TRAP1: variants seen among roughly 807,000 people sequenced by gnomAD.
TRAP1 encodes heat shock protein 75 kDa, mitochondrial.
A neutral mutation model predicts 89.1 loss-of-function variants in TRAP1; 102 were observed. That is an observed-to-expected ratio of 1.15 (90% CI 0.98 to 1.35). The LOEUF is 1.35. TRAP1 is among the 40% of genes most tolerant of loss of function. TRAP1 has a pLI of 0.00. For synonymous variants in TRAP1, 508 were observed against 388.0 expected (o/e 1.31, Z -3.64); for missense variants, 1,256 against 945.3 (o/e 1.33, Z -4.31).
At chr16:3,708,226 G>A (rs999437988) in intron 1 of TRAP1, among the ~76,000 whole-genome samples, 2 of 151,840 alleles carry the variant, frequency 1.3e-5, no homozygotes, top group Non-Finnish European at 1.5e-5. Context: ...CGTGGCTCAC[G>A]CCTGTAATCA....
At position 3,685,990 on chromosome 16, in the gene TRAP1, A is replaced by T. The variant is rs767805108; in HGVS notation, c.471+6T>A. On this transcript the variant is annotated splice_donor_region_variant and intron_variant, in intron 4 of 17. Transcript: ENST00000246957. Reference sequence around the variant, plus strand: ...CTGCCACACGCCTGGACACTGAGGGAGGTACCTGGATGGTGATGGTGCCTT... The same window carrying T: ...CTGCCACACGCCTGGACACTGAGGGTGGTACCTGGATGGTGATGGTGCCTT... The T allele has an allele frequency of 2.5e-6, 4 of 1,613,286 alleles. No homozygotes were observed. The South Asian group carries it at 4.4e-5, about 18-fold the overall frequency.
At chr16:3,688,397 G>A (rs1242401485) in intron 3 of TRAP1, among the ~76,000 whole-genome samples, 1 of 152,160 alleles carries the variant, frequency 6.6e-6, no homozygotes, top group East Asian at 1.9e-4. Context: ...GCCAAGACCT[G>A]CAGGTAGTCC....
At position 3,710,877 on chromosome 16, in the gene TRAP1, A is replaced by ATTTTTTTTT. The variant is rs1461150566; in HGVS notation, c.88+6543_88+6544insAAAAAAAAA. ...TGTGTGTATATATATATATATATAT[A>ATTTTTTTTT]TATTTTTTTTTTTGAGACACTGTCA... On this transcript the variant is annotated intron_variant, in intron 1 of 17. Coordinates refer to ENST00000246957, the MANE Select transcript of TRAP1 (RefSeq NM_016292.3). Among the ~76,000 whole-genome samples, 638 of 93,524 alleles carry ATTTTTTTTT rather than the reference A, an allele frequency of 6.8e-3. 9 individuals are homozygous for ATTTTTTTTT. The highest frequency in any genetic ancestry group is 0.027 in the African/African-American group (609 of 22,166). 61.4% of individuals were successfully genotyped at this position (93,524 alleles called of 152,430 possible). A position where few individuals can be genotyped will look rare whatever the true frequency, so the allele number is the denominator to read the frequency against.
intron 3 of TRAP1, chr16:3,687,415 T>G (rs887843573): frequency 1.3e-5 from 2 of 152,184 alleles, no homozygotes; most frequent in Non-Finnish European, 2.9e-5. Flanking sequence ...ATCAGCAACG[T>G]GAAAATGGAC....
At chr16:3,672,013 C>G (rs191216818) in intron 10 of TRAP1, among the ~76,000 whole-genome samples, 1 of 152,210 alleles carries the variant, frequency 6.6e-6, no homozygotes, top group Non-Finnish European at 1.5e-5. Context: ...GGGTAACACT[C>G]GGAAAATGAC....
intron 3 of TRAP1, among the ~76,000 whole-genome samples, chr16:3,687,883 ACC>A (rs1555465641): frequency 6.7e-6 from 1 of 150,012 alleles, no homozygotes; most frequent in African/African-American, 2.5e-5. Flanking sequence ...AAAAACAAAA[ACC>A]CACACAATTA....
chr16:3,675,641 C>T (rs932485364), intron 7 of TRAP1, among the ~76,000 whole-genome samples: 1 of 152,206 alleles, frequency 6.6e-6, no homozygotes, highest in Non-Finnish European at 1.5e-5. Flanking sequence ...ACTGCAATGT[C>T]AGCTTGTGGC....
intron 1 of TRAP1, among the ~76,000 whole-genome samples, chr16:3,692,073 G>A (rs1048352271): frequency 4.6e-5 from 7 of 152,208 alleles, no homozygotes; most frequent in African/African-American, 1.2e-4. Context: ...TTGGTCAGTA[G>A]ATTTGCAATA....
chr16:3,669,977 G>A (rs970371236), intron 11 of TRAP1, among the ~76,000 whole-genome samples: 6 of 151,986 alleles, frequency 3.9e-5, no homozygotes, highest in Non-Finnish European at 1.5e-5. Flanking sequence ...TCCCTGTGAT[G>A]TCCCATGATG....
intron 1 of TRAP1, among the ~76,000 whole-genome samples, chr16:3,709,885 GGT>G: frequency 6.6e-6 from 1 of 152,218 alleles, no homozygotes; most frequent in East Asian, 1.9e-4. Flanking sequence ...CCTAACCTCA[GGT>G]GATCCACCCG....
intron 1 of TRAP1, among the ~76,000 whole-genome samples, chr16:3,692,966 GTTTTTT>G (rs34085145): frequency 1.4e-5 from 2 of 143,862 alleles, no homozygotes; most frequent in South Asian, 4.5e-4. Flanking sequence ...TTTTGTTTTT[GTTTTTT>G]TTTGAGATGG....
At chr16:3,685,960 C>T (rs745426687) in intron 4 of TRAP1, 36 bp downstream of exon 4, 18 of 1,602,774 alleles carry the variant, frequency 1.1e-5, no homozygotes, top group African/African-American at 9.4e-5. Flanking sequence ...GCTGCATGGC[C>T]GGGCCTGCCA....
intron 11 of TRAP1, among the ~76,000 whole-genome samples, chr16:3,666,330 C>A (rs569118634): frequency 7.9e-5 from 12 of 151,548 alleles, no homozygotes; most frequent in Non-Finnish European, 2.9e-5. Context: ...GCAGACACCC[C>A]CTGGAGGCAG....
intron 11 of TRAP1, among the ~76,000 whole-genome samples, chr16:3,669,638 TCCC>T (rs1289186892): frequency 2.1e-4 from 32 of 151,342 alleles, no homozygotes; most frequent in Non-Finnish European, 2.4e-4. Flanking sequence ...ATCAAGACCA[TCCC>T]GGCTAACACA....
Position 3,709,656 on chromosome 16 carries a change from G to T in TRAP1, c.88+7765C>A, listed in dbSNP as rs113270654. 6.2e-3 allele frequency among the ~76,000 whole-genome samples: 905 copies of T among 145,624 alleles called. 8 individuals are homozygous for T. Among genetic ancestry groups the T allele is most frequent in the African/African-American group, 0.023 (836 of 35,872 alleles). On this transcript the variant is annotated intron_variant, in intron 1 of 17. Transcript: ENST00000246957. Reference sequence around the variant, plus strand: ...GTTTACCTTTGTTTCCCTTTTTTTTGTGTGTGTGTGTGAGACGGAGTTTTC... The same window carrying T: ...GTTTACCTTTGTTTCCCTTTTTTTTTTGTGTGTGTGTGAGACGGAGTTTTC...
intron 1 of TRAP1, among the ~76,000 whole-genome samples, chr16:3,704,802 C>T (rs1267755021): frequency 6.6e-6 from 1 of 151,170 alleles, no homozygotes; most frequent in East Asian, 1.9e-4. Context: ...ACACTTGAGG[C>T]CAGGAGTTCT....
At chr16:3,665,608 C>T in intron 12 of TRAP1, 1 of 235,826 alleles carries the variant, frequency 4.2e-6, no homozygotes, top group Non-Finnish European at 8.3e-6. Flanking sequence ...ACTTCCCCAC[C>T]CACGGGATCG....
intron 5 of TRAP1, among the ~76,000 whole-genome samples, chr16:3,679,398 G>A (rs1293191780): frequency 6.6e-6 from 1 of 152,064 alleles, no homozygotes; most frequent in African/African-American, 2.4e-5. Context: ...CATTCTATCA[G>A]GTATTATAAC....
chr16:3,686,605 C>T (rs545930632), intron 3 of TRAP1, among the ~76,000 whole-genome samples: 4 of 152,302 alleles, frequency 2.6e-5, no homozygotes, highest in East Asian at 3.9e-4. Context: ...ACGTGAGCCA[C>T]GGTGCCTGGC....
Sources: allele counts gnomAD v4.1 joint callset (sites outside exome capture counted in the v4.1 genomes callset), GRCh38; gene constraint gnomAD v4.1.1; transcripts MANE v1.5; gene names NCBI Gene and HGNC (gene_info 2026-07-23, HGNC 2026-07-21).